The following MUSK variants were observed in gnomAD, a reference collection of about 807,000 sequenced individuals.
MUSK encodes the protein muscle, skeletal receptor tyrosine-protein kinase.
MUSK carries 55 observed loss-of-function variants against 88.7 expected under a neutral mutation model. That is an observed-to-expected ratio of 0.62 (90% CI 0.50 to 0.78). MUSK has a LOEUF of 0.78. Among genes scored for constraint, MUSK ranks in the 30% least tolerant of loss-of-function variants. The pLI is 0.00. For missense variants in MUSK, 1,015 were observed against 1,074.3 expected, an observed-to-expected ratio of 0.94 and a Z score of 0.77; for synonymous variants, 387 against 391.9, an observed-to-expected ratio of 0.99 and a Z score of 0.15.
intron 5 of MUSK, among the ~76,000 whole-genome samples, chr9:110,719,197 G>A (rs921445420): frequency 6.6e-6 from 1 of 151,900 alleles, no homozygotes; most frequent in Non-Finnish European, 1.5e-5. Context: ...AGGTATTCAG[G>A]CAACAAATAG....
intron 5 of MUSK, among the ~76,000 whole-genome samples, chr9:110,702,843 AGATT>A (rs2076548992): frequency 6.6e-6 from 1 of 152,178 alleles, no homozygotes; most frequent in Non-Finnish European, 1.5e-5. Flanking sequence ...CAGTAAGCCA[AGATT>A]GTGCCACTGC....
chr9:110,694,225 A>AAG (rs901838658), intron 3 of MUSK, among the ~76,000 whole-genome samples: 1 of 149,476 alleles, frequency 6.7e-6, no homozygotes, highest in Non-Finnish European at 1.5e-5. Context: ...CAAAAAAAAA[A>AAG]AAAAAAAAAA....
chr9:110,776,756 A>C (rs200201482), intron 11 of MUSK, 101 bp downstream of exon 11: 1 of 1,028,470 alleles, frequency 9.7e-7, no homozygotes, highest in Non-Finnish European at 1.4e-6. Flanking sequence ...AACAGAATGT[A>C]CAGCCGCTCT....
In MUSK at chr9:110,802,650, A is replaced by G. The variant is rs1368773243; in HGVS notation, c.*1662A>G. 2.6e-5 allele frequency among the ~76,000 whole-genome samples: 4 copies of G among 152,252 alleles called. No homozygotes were observed. The highest frequency in any genetic ancestry group is 1.9e-4 in the East Asian group (1 of 5,178). On this transcript the variant is annotated 3_prime_UTR_variant, in exon 15 of 15. Coordinates refer to ENST00000374448, the MANE Select transcript of MUSK (RefSeq NM_005592.4). The stretch of plus-strand genomic sequence containing the variant: ...CCCTCTCTTTCATCATCAGTTTTCT[A>G]TTAGTTTTACTTCCTAAAATCCTCC...
intron 1 of MUSK, among the ~76,000 whole-genome samples, chr9:110,681,875 T>G (rs895377282): frequency 6.6e-6 from 1 of 152,134 alleles, no homozygotes; most frequent in Non-Finnish European, 1.5e-5. Context: ...TTGGCTTTGA[T>G]GTATACCTTG....
chr9:110,750,245 C>G (rs1222286193), intron 7 of MUSK, among the ~76,000 whole-genome samples: 2 of 152,068 alleles, frequency 1.3e-5, no homozygotes, highest in Admixed American at 1.3e-4. Flanking sequence ...CTCAAAGATA[C>G]CCGTGCCAGA....
At chr9:110,800,246 G>T in intron 14 of MUSK, 60 bp from the exon 15 acceptor site, 1 of 1,446,874 alleles carries the variant, frequency 6.9e-7, no homozygotes, top group Non-Finnish European at 9.4e-7. Flanking sequence ...CTTTTGGAGT[G>T]CTCTTTCCAT....
Position 110,692,853 on chromosome 9 carries a change from G to GA in MUSK, c.359-2539dup, listed in dbSNP as rs140026732. Among the ~76,000 whole-genome samples the GA allele has an allele frequency of 1.1e-3, 158 of 150,230 alleles. 1 individual carries two copies. The highest frequency in any genetic ancestry group is 8.2e-3 in the South Asian group (39 of 4,748). Reference sequence around the variant, plus strand: ...CCCTGCATTACTTTTATTTCCTTCAGAAAAAAAAAAATTGATTTTGTTTGG... The same window carrying GA: ...CCCTGCATTACTTTTATTTCCTTCAGAAAAAAAAAAAATTGATTTTGTTTGG... On this transcript the variant is annotated intron_variant, in intron 3 of 14. Transcript: ENST00000374448.
At chr9:110,675,720 CCA>C (rs1177198062) in intron 1 of MUSK, among the ~76,000 whole-genome samples, 2 of 151,404 alleles carry the variant, frequency 1.3e-5, no homozygotes, top group African/African-American at 4.9e-5. Context: ...CAGGCCTGCA[CCA>C]CCACACCCAG....
At chr9:110,724,606 G>A (rs2076858756) in intron 5 of MUSK, among the ~76,000 whole-genome samples, 1 of 151,934 alleles carries the variant, frequency 6.6e-6, no homozygotes. Flanking sequence ...CAAACTTCAA[G>A]CCCCTTTCTC....
chr9:110,702,691 G>A (rs190234713), intron 5 of MUSK, among the ~76,000 whole-genome samples: 1 of 151,992 alleles, frequency 6.6e-6, no homozygotes, highest in African/African-American at 2.4e-5. Flanking sequence ...TTGAGCACTG[G>A]AGACCAACCT....
Position 110,775,915 on chromosome 9 carries a change from C to T in MUSK, c.1312C>T (p.Pro438Ser), listed in dbSNP as rs932883095. The T allele has an allele frequency of 6.2e-7, 1 of 1,613,856 alleles. No individual in the cohort carries two copies. The highest frequency in any genetic ancestry group is 1.3e-5 in the African/African-American group (1 of 74,924). The part of the protein sequence containing the change: ...LLSVPECSKL[P>S]SMHWDPTACA... ...GTCCGTGCCAGAATGCAGCAAGCTTCCCAGCATGCATTGGGACCCCACGGC... is the reference window on the plus strand; with the variant it reads ...GTCCGTGCCAGAATGCAGCAAGCTTTCCAGCATGCATTGGGACCCCACGGC... Residue 438 changes from proline to serine, a missense_variant, in exon 10 of 15, where the codon CCC (proline) becomes TCC (serine). Transcript: ENST00000374448.
chr9:110,763,131 T>G (rs2077426227), intron 8 of MUSK, among the ~76,000 whole-genome samples: 1 of 152,196 alleles, frequency 6.6e-6, no homozygotes, highest in African/African-American at 2.4e-5. Context: ...GTTTTACTGT[T>G]AAAAAGGTCT....
chr9:110,683,870 C>T (rs1212875628), intron 2 of MUSK, among the ~76,000 whole-genome samples: 1 of 151,956 alleles, frequency 6.6e-6, no homozygotes, highest in Non-Finnish European at 1.5e-5. Context: ...CATATATATT[C>T]TGGTTATTAA....
At chr9:110,704,803 G>A (rs1228908601) in intron 5 of MUSK, among the ~76,000 whole-genome samples, 1 of 151,926 alleles carries the variant, frequency 6.6e-6, no homozygotes, top group African/African-American at 2.4e-5. Flanking sequence ...GGCCAACATG[G>A]TGAAACCCCA....
chr9:110,673,309 C>T (rs1474825772), intron 1 of MUSK, among the ~76,000 whole-genome samples: 1 of 152,158 alleles, frequency 6.6e-6, no homozygotes, highest in Non-Finnish European at 1.5e-5. Flanking sequence ...GCTAGTTCAG[C>T]TCTATCACTT....
chr9:110,790,884 G>A (rs2077962403), intron 14 of MUSK, among the ~76,000 whole-genome samples: 1 of 152,192 alleles, frequency 6.6e-6, no homozygotes, highest in Non-Finnish European at 1.5e-5. Flanking sequence ...TGCCAGCTGG[G>A]CATAGACTCG....
intron 1 of MUSK, among the ~76,000 whole-genome samples, chr9:110,677,147 TC>T (rs2076042715): frequency 1.3e-5 from 2 of 152,188 alleles, no homozygotes; most frequent in Non-Finnish European, 2.9e-5. Context: ...CATTTTTGCT[TC>T]TACTAGGTGC....
At chr9:110,785,825 C>T (rs1468129254) in intron 13 of MUSK, 107 bp downstream of exon 13, 11 of 573,778 alleles carry the variant, frequency 1.9e-5, no homozygotes, top group East Asian at 6.6e-5. Flanking sequence ...TATATATATA[C>T]ACACACATAT....
Sources: gnomAD v4.1 joint callset for allele counts (sites outside exome capture counted in the v4.1 genomes callset) on GRCh38, gnomAD v4.1.1 for gene constraint, MANE v1.5 for transcripts, NCBI Gene and HGNC (gene_info 2026-07-23, HGNC 2026-07-21) for gene names.